The following ASTN2 variants were observed in gnomAD, a reference collection of about 807,000 sequenced individuals.
The protein encoded by ASTN2 is astrotactin 2, also known as astrotactin-2.
Under a neutral mutation model 139.8 loss-of-function variants are expected in ASTN2, and 54 were observed. That is an observed-to-expected ratio of 0.39 (90% CI 0.31 to 0.48). The LOEUF is 0.48. ASTN2 is among the 20% of genes least tolerant of loss of function. The pLI is 0.95. For missense variants in ASTN2, 1,565 were observed against 1,725.1 expected (o/e 0.91, Z 1.64); for synonymous variants, 756 against 719.5 (o/e 1.05, Z -0.81).
chr9:116,866,224 T>A (rs1469491063), intron 10 of ASTN2, among the ~76,000 whole-genome samples: 1 of 152,194 alleles, frequency 6.6e-6, no homozygotes, highest in African/African-American at 2.4e-5. Context: ...GTAAACATTT[T>A]CAAATGAAAC....
At chr9:116,492,135 G>A (rs1328316844) in intron 19 of ASTN2, among the ~76,000 whole-genome samples, 5 of 150,530 alleles carry the variant, frequency 3.3e-5, no homozygotes, top group Admixed American at 3.3e-4. Flanking sequence ...AGGCTGGAGT[G>A]CAGTGGCATG....
intron 3 of ASTN2, among the ~76,000 whole-genome samples, chr9:117,182,298 C>G (rs1831092313): frequency 6.8e-6 from 1 of 147,028 alleles, no homozygotes; most frequent in Admixed American, 6.9e-5. Flanking sequence ...ACTCAGCATG[C>G]TTCAGGGAAG....
intron 5 of ASTN2, among the ~76,000 whole-genome samples, chr9:117,053,272 C>T (rs1272253666): frequency 6.6e-6 from 1 of 151,948 alleles, no homozygotes. Context: ...GGCAACATAG[C>T]AAGACCCCAT....
Position 117,414,081 on chromosome 9 carries a change from GGGGCGGTGACGGC to G in ASTN2, c.442+403_442+415del, listed in dbSNP as rs993983838. On this transcript the variant is annotated intron_variant, in intron 1 of 22. Transcript: ENST00000313400. This position sits in a 1 kb window ranked among gnomAD's most constrained non-coding sequence, Gnocchi z 4.2. ...CCCGCAACTCCGAGGCGAGAGCGAG[GGGGCGGTGACGGC>G]GGGTGGCCAGTGACGGTACCCGGAG... is the stretch of plus-strand genomic sequence containing the variant. 1.3e-5 allele frequency among the ~76,000 whole-genome samples: 2 copies of G among 152,190 alleles called. No homozygotes were observed. The highest frequency in any genetic ancestry group is 1.3e-4 in the Admixed American group (2 of 15,280).
At chr9:117,216,609 T>A (rs544951763) in intron 2 of ASTN2, among the ~76,000 whole-genome samples, 1 of 152,358 alleles carries the variant, frequency 6.6e-6, no homozygotes, top group South Asian at 2.1e-4. Flanking sequence ...TATGTATATA[T>A]CACCTTAAAA....
intron 2 of ASTN2, among the ~76,000 whole-genome samples, chr9:117,247,557 C>G (rs1373922212): frequency 6.6e-6 from 1 of 152,162 alleles, no homozygotes; most frequent in Non-Finnish European, 1.5e-5. Flanking sequence ...CAAATACAGT[C>G]CTCGAATAAA....
rs541285454 is a variant in ASTN2 at position 117,338,753 on chromosome 9, CT to C, written c.443-47241del. 4.6e-3 allele frequency among the ~76,000 whole-genome samples: 688 copies of C among 150,290 alleles called. 2 individuals are homozygous for C. Among genetic ancestry groups the C allele is most frequent in the African/African-American group, 0.015 (632 of 40,872 alleles). ...AAGTAATTTTTTTTTTTGCCATTATCTTTTTTTTTGCCATTATCTTTAATAG... is the reference window on the plus strand; with the variant it reads ...AAGTAATTTTTTTTTTTGCCATTATCTTTTTTTTGCCATTATCTTTAATAG... On this transcript the variant is annotated intron_variant, in intron 1 of 22. Coordinates refer to ENST00000313400, the MANE Select transcript of ASTN2 (RefSeq NM_001365068.1).
Position 116,438,242 on chromosome 9 carries a change from T to C in ASTN2, c.3782+2367A>G, listed in dbSNP as rs115531461. Among the ~76,000 whole-genome samples the C allele has an allele frequency of 1.4e-3, 207 of 152,334 alleles. 1 individual carries two copies. Among genetic ancestry groups the C allele is most frequent in the African/African-American group, 4.8e-3 (201 of 41,570 alleles). On this transcript the variant is annotated intron_variant, in intron 22 of 22. Transcript: ENST00000313400. ...CTCTAGAGCCTCACTGCCGCTTTCT[T>C]ACCTTGACACCTATACTCAAGCCAG...
chr9:117,404,216 G>A (rs1214715589), intron 1 of ASTN2, among the ~76,000 whole-genome samples: 2 of 152,180 alleles, frequency 1.3e-5, no homozygotes, highest in Admixed American at 1.3e-4. Context: ...TGACTATTAT[G>A]TTTTCTTCAT....
chr9:116,707,200 C>G lies in ASTN2; in HGVS notation c.2806+18571G>C, dbSNP rs1392799514. 3.4e-5 allele frequency among the ~76,000 whole-genome samples: 5 copies of G among 145,468 alleles called. No individual in the cohort carries two copies. In the Admixed American group the frequency reaches 3.6e-4, roughly 10 times the overall value. ...CATGTTGAATGCTATGGTGCACACTCCCAAAAGCAGATGGTTTACTAGGAC... is the reference window on the plus strand; with the variant it reads ...CATGTTGAATGCTATGGTGCACACTGCCAAAAGCAGATGGTTTACTAGGAC... On this transcript the variant is annotated intron_variant, in intron 16 of 22. Transcript: ENST00000313400.
chr9:116,885,915 T>C (rs1833584597), intron 10 of ASTN2, among the ~76,000 whole-genome samples: 1 of 152,230 alleles, frequency 6.6e-6, no homozygotes, highest in Non-Finnish European at 1.5e-5. Context: ...AAATACCTAT[T>C]GAATGCCAGG....
intron 1 of ASTN2, among the ~76,000 whole-genome samples, chr9:117,305,915 C>T (rs1834987489): frequency 1.3e-5 from 2 of 152,184 alleles, no homozygotes; most frequent in South Asian, 2.1e-4. Context: ...GTGAATGTTG[C>T]TACTACTATC....
At chr9:116,719,291 T>G (rs1047840090) in intron 16 of ASTN2, among the ~76,000 whole-genome samples, 32 of 152,056 alleles carry the variant, frequency 2.1e-4, no homozygotes, top group African/African-American at 7.7e-4. Context: ...GCAGAAGACC[T>G]TCTCAGAAAC....
rs1399796557 is a variant in ASTN2, at chr9:116,803,496, ATATATATATATATATATATATATATATT to A, written c.2396+2108_2396+2135del. On this transcript the variant is annotated intron_variant, in intron 13 of 22. Coordinates refer to ENST00000313400, the MANE Select transcript of ASTN2 (RefSeq NM_001365068.1). The stretch of plus-strand genomic sequence containing the variant: ...AAGTTCGAATAATATATATATATAT[ATATATATATATATATATATATATATATT>A]TTTTTTTTTTTTTTTTTTTAGACGG... Among the ~76,000 whole-genome samples the A allele has an allele frequency of 4.6e-3, 311 of 67,408 alleles. 9 individuals are homozygous for A. The highest frequency in any genetic ancestry group is 5.9e-3 in the Non-Finnish European group (180 of 30,458). The allele number at this position is 67,408 out of a possible 152,430, so 44.2% of individuals were successfully genotyped here.
intron 16 of ASTN2, among the ~76,000 whole-genome samples, chr9:116,723,451 T>C (rs1000399930): frequency 6.6e-6 from 1 of 151,900 alleles, no homozygotes; most frequent in African/African-American, 2.4e-5. Context: ...TGAAACACCC[T>C]CCATCCCACT....
intron 19 of ASTN2, among the ~76,000 whole-genome samples, chr9:116,506,176 G>A (rs924439379): frequency 6.6e-6 from 1 of 152,170 alleles, no homozygotes; most frequent in Admixed American, 6.6e-5. Context: ...TGTTCAATAA[G>A]TGGTTACTGA....
At chr9:117,147,627 C>T (rs1047900040) in intron 3 of ASTN2, among the ~76,000 whole-genome samples, 3 of 152,146 alleles carry the variant, frequency 2.0e-5, no homozygotes, top group Non-Finnish European at 4.4e-5. Context: ...ATTTCTTGAG[C>T]ACCAACTTTT....
chr9:116,537,656 C>T (rs1050347130), intron 19 of ASTN2, among the ~76,000 whole-genome samples: 1 of 152,082 alleles, frequency 6.6e-6, no homozygotes, highest in Non-Finnish European at 1.5e-5. Context: ...ATGTATGATC[C>T]AGGATTTGGA....
intron 16 of ASTN2, among the ~76,000 whole-genome samples, chr9:116,686,478 T>C (rs1860214734): frequency 6.6e-6 from 1 of 152,228 alleles, no homozygotes; most frequent in African/African-American, 2.4e-5. Flanking sequence ...TTTGTGCTCC[T>C]AAGCTGTACA....
Sources: allele counts gnomAD v4.1 joint callset (sites outside exome capture counted in the v4.1 genomes callset), GRCh38; gene constraint gnomAD v4.1.1; non-coding constraint Gnocchi (gnomAD v3.1); transcripts MANE v1.5; gene names NCBI Gene and HGNC (gene_info 2026-07-23, HGNC 2026-07-21).